DNAJC21: variants seen among roughly 807,000 people sequenced by gnomAD.
DNAJC21 encodes the protein DnaJ heat shock protein family (Hsp40) member C21.
Under a neutral mutation model 72.4 loss-of-function variants are expected in DNAJC21, and 63 were observed. That is an observed-to-expected ratio of 0.87 (90% CI 0.71 to 1.07). The LOEUF (loss-of-function observed/expected upper bound fraction) is 1.07, where lower values mean the gene tolerates loss of function less well. DNAJC21 is among the 50% of genes least tolerant of loss of function. The probability of loss-of-function intolerance (pLI) is 0.00; values close to 1 mark genes in which losing one functional copy is unlikely to be tolerated. For synonymous variants in DNAJC21, 203 were observed against 216.7 expected (o/e 0.94, Z 0.56); for missense variants, 634 against 644.8 (o/e 0.98, Z 0.18).
intron 9 of DNAJC21, chr5:34,949,628 A>T (rs1197265745): frequency 6.2e-7 from 1 of 1,608,942 alleles, no homozygotes; most frequent in South Asian, 1.1e-5. Flanking sequence ...GAGAGAAGAG[A>T]TGGAGAGAGC....
At position 34,934,587 on chromosome 5, in the gene DNAJC21, T is replaced by C. The variant is rs114768994; in HGVS notation, c.191+679T>C. Among the ~76,000 whole-genome samples, 591 of 152,246 alleles carry C rather than the reference T, an allele frequency of 3.9e-3. 3 individuals carry two copies. The highest frequency in any genetic ancestry group is 0.014 in the African/African-American group (575 of 41,562). On this transcript the variant is annotated intron_variant, in intron 2 of 11. Transcript: ENST00000648817. ...CTCAAAACTACTTTATATGAAGAAA[T>C]TGAATTAAGCTTCTGCATCTGTGAC...
At chr5:34,950,064 C>T in intron 9 of DNAJC21, 106 bp from the exon 10 acceptor site, 9 of 1,264,388 alleles carry the variant, frequency 7.1e-6, no homozygotes, top group Non-Finnish European at 9.6e-6. Context: ...TTACCTGCTT[C>T]TCCTTTTTAT....
intron 1 of DNAJC21, 63 bp from the exon 2 acceptor site, chr5:34,933,752 A>C (rs1764676691): frequency 7.3e-7 from 1 of 1,371,002 alleles, no homozygotes. Flanking sequence ...CTGATGGAAA[A>C]TGTCTTATTT....
rs1006380919 is a variant in DNAJC21 at position 34,957,383 on chromosome 5, A to G, written c.*2669A>G. On this transcript the variant is annotated 3_prime_UTR_variant, in exon 12 of 12. Coordinates refer to ENST00000648817, the MANE Select transcript of DNAJC21 (RefSeq NM_001012339.3). ...GTGCCAAAGCTGGGGGTTCCCTACA[A>G]TGGCTATTTAGACTTTCCCTGCTTC... 5 of 152,192 alleles carry G rather than the reference A, an allele frequency of 3.3e-5. 1 individual carries two copies. The highest frequency in any genetic ancestry group is 4.1e-4 in the South Asian group (2 of 4,830). The allele number at this position is 152,192 out of a possible 1,614,324, so 9.4% of individuals were successfully genotyped here.
intron 5 of DNAJC21, among the ~76,000 whole-genome samples, chr5:34,938,550 A>C (rs1764873436): frequency 6.6e-6 from 1 of 152,130 alleles, no homozygotes. Flanking sequence ...TACTCATCCC[A>C]CCCTCATCTT....
intron 4 of DNAJC21, among the ~76,000 whole-genome samples, chr5:34,937,092 T>C (rs1463574442): frequency 6.6e-6 from 1 of 152,230 alleles, no homozygotes; most frequent in African/African-American, 2.4e-5. Flanking sequence ...TATTTACTAA[T>C]CACCATGGTC....
chr5:34,954,654 A>G lies in DNAJC21; in HGVS notation c.1536A>G (p.Ser512=), dbSNP rs1260631900. ...CAGGTCATGCAAGAGCACCTTCATCATCGTCTTTAAACAGCGCAACAAGTA... is the reference window on the plus strand; with the variant it reads ...CAGGTCATGCAAGAGCACCTTCATCGTCGTCTTTAAACAGCGCAACAAGTA... ...KATGHARAPS[S]SSLNSATSSQ... is the part of the protein sequence containing the mutation. The change falls in exon 12 of 12, where the codon TCA becomes TCG. Residue 512 remains serine, a synonymous_variant. Coordinates refer to ENST00000648817, the MANE Select transcript of DNAJC21 (RefSeq NM_001012339.3). 2.5e-6 allele frequency: 4 copies of G among 1,613,530 alleles called. No homozygotes were observed. The African/African-American group carries it at 4.0e-5, about 16-fold the overall frequency.
chr5:34,933,917 C>T lies in DNAJC21; in HGVS notation c.191+9C>T, dbSNP rs756047212. ...CCTCAGGAAAGAGCATGGTGAGCAT[C>T]ACGCTGTCCTTCCCATCCTAGTTTA... On this transcript the variant is annotated intron_variant, in intron 2 of 11. Transcript: ENST00000648817. 6.2e-7 allele frequency: 1 copy of T among 1,611,232 alleles called. No individual in the cohort carries two copies. Among genetic ancestry groups the T allele is most frequent in the Non-Finnish European group, 8.5e-7 (1 of 1,178,660 alleles).
At chr5:34,936,372 G>C in intron 4 of DNAJC21, 106 bp downstream of exon 4, 1 of 1,347,704 alleles carries the variant, frequency 7.4e-7, no homozygotes, top group East Asian at 2.4e-5. Context: ...AGGCTGCAGT[G>C]CAGTGGTATG....
chr5:34,942,455 T>C (rs1223810580), intron 7 of DNAJC21, among the ~76,000 whole-genome samples: 1 of 151,898 alleles, frequency 6.6e-6, no homozygotes, highest in African/African-American at 2.4e-5. Context: ...ATAAATGGTA[T>C]TACCATATGA....
chr5:34,954,256 T>C, intron 11 of DNAJC21: 1 of 467,080 alleles, frequency 2.1e-6, no homozygotes, highest in Non-Finnish European at 3.7e-6. Flanking sequence ...GCCTTGGTGA[T>C]AAGAATTACA....
chr5:34,936,143 G>A lies in DNAJC21; in HGVS notation c.316-1G>A. The A allele has an allele frequency of 1.2e-6, 2 of 1,604,978 alleles. No homozygotes were observed. Among genetic ancestry groups the A allele is most frequent in the Non-Finnish European group, 1.7e-6 (2 of 1,177,486 alleles). On this transcript the variant is annotated splice_acceptor_variant, in intron 3 of 11. Transcript: ENST00000648817. LOFTEE classifies it high-confidence loss of function. Reference sequence around the variant, plus strand: ...AATTTGTTTTTGTTACTGTTTTTTAGGGATTTTACACGGTGTATCGTAATG... The same window carrying A: ...AATTTGTTTTTGTTACTGTTTTTTAAGGATTTTACACGGTGTATCGTAATG...
Position 34,950,334 on chromosome 5 carries a change from A to C in DNAJC21, c.1350A>C (p.Glu450Asp), listed in dbSNP as rs1765321399. 2 of 1,609,510 alleles carry C rather than the reference A, an allele frequency of 1.2e-6. No homozygotes were observed. Reference protein sequence around the residue: ...IIKPCDDPKSEAKSVPKPKGK... With the variant: ...IIKPCDDPKSDAKSVPKPKGK... The stretch of plus-strand genomic sequence containing the variant: ...AACCATGTGATGATCCAAAAAGTGA[A>C]GCTAAAAGGTAAGTCAAAGTTGCAT... Residue 450 changes from glutamate to aspartate, a missense_variant, in exon 10 of 12, where the codon GAA becomes GAC. Coordinates refer to ENST00000648817, the MANE Select transcript of DNAJC21 (RefSeq NM_001012339.3).
intron 9 of DNAJC21, chr5:34,949,641 G>A (rs898086069): frequency 6.2e-7 from 1 of 1,612,570 alleles, no homozygotes; most frequent in South Asian, 1.1e-5. Context: ...GAGAGAGCGA[G>A]CACAAATGTG....
intron 6 of DNAJC21, among the ~76,000 whole-genome samples, chr5:34,939,651 A>G (rs1014350834): frequency 1.3e-5 from 2 of 152,176 alleles, no homozygotes; most frequent in Non-Finnish European, 2.9e-5. Flanking sequence ...TTGCATGAGA[A>G]TCTATGTGTT....
Position 34,938,832 on chromosome 5 carries a change from T to C in DNAJC21, c.744-26T>C, listed in dbSNP as rs73080674. 2.2e-4 allele frequency: 351 copies of C among 1,566,946 alleles called. No homozygotes were observed. In the African/African-American group the frequency reaches 4.4e-3, roughly 20 times the overall value. On this transcript the variant is annotated intron_variant, in intron 5 of 11. Transcript: ENST00000648817. ...AACCATGCAGAGGCGTGCTTGTCGCTGTGAGACTGTGCTGTATGTGTCTAG... is the reference window on the plus strand; with the variant it reads ...AACCATGCAGAGGCGTGCTTGTCGCCGTGAGACTGTGCTGTATGTGTCTAG...
Position 34,956,075 on chromosome 5 carries a change from A to G in DNAJC21, c.*1361A>G, listed in dbSNP as rs13183188. 5 of 150,582 alleles carry G rather than the reference A, an allele frequency of 3.3e-5. No individual in the cohort carries two copies. Among genetic ancestry groups the G allele is most frequent in the African/African-American group, 9.9e-5 (4 of 40,494 alleles). 9.3% of individuals were successfully genotyped at this position (150,582 alleles called of 1,614,324 possible). On this transcript the variant is annotated 3_prime_UTR_variant, in exon 12 of 12. Coordinates refer to ENST00000648817, the MANE Select transcript of DNAJC21 (RefSeq NM_001012339.3). ...CTCAAAAAAAAAAAAAAAAAAAAAA[A>G]GAAAGTAATTTTAAACTCACTGGCT...
intron 6 of DNAJC21, among the ~76,000 whole-genome samples, chr5:34,939,261 ATTT>A (rs761706255): frequency 6.9e-6 from 1 of 144,516 alleles, no homozygotes. Flanking sequence ...AAGTGTGACT[ATTT>A]TTTTTTTTTT....
At chr5:34,951,685 G>A (rs1580541760) in intron 10 of DNAJC21, 6 of 783,444 alleles carry the variant, frequency 7.7e-6, no homozygotes, top group South Asian at 1.2e-4. Flanking sequence ...GCACTGCCAC[G>A]CCTGGCTATT....
Sources: allele counts gnomAD v4.1 joint callset (sites outside exome capture counted in the v4.1 genomes callset), GRCh38; gene constraint gnomAD v4.1.1; transcripts MANE v1.5; gene names NCBI Gene and HGNC (gene_info 2026-07-23, HGNC 2026-07-21).